Variants in EML1 observed in about 807,000 individuals in gnomAD.
EML1 encodes EMAP like 1, also known as echinoderm microtubule-associated protein-like 1.
In EML1, 27 loss-of-function variants were observed where a neutral mutation model predicts 110.4. That is an observed-to-expected ratio of 0.24 (90% CI 0.18 to 0.34). EML1 has a LOEUF of 0.34. Ranked by LOEUF, EML1 falls within the 10% of genes least tolerant of loss-of-function variation. The pLI is 1.00. For missense variants in EML1, 741 were observed against 1,030.9 expected (o/e 0.72, Z 3.85); for synonymous variants, 344 against 385.8 (o/e 0.89, Z 1.27).
chr14:99,795,953 A>C (rs2057762494), intron 1 of EML1, among the ~76,000 whole-genome samples: 1 of 152,196 alleles, frequency 6.6e-6, no homozygotes, highest in Non-Finnish European at 1.5e-5. Flanking sequence ...TGCGAAGTTG[A>C]GGCGGGAGGA....
intron 3 of EML1, among the ~76,000 whole-genome samples, chr14:99,876,038 G>A (rs1250737724): frequency 6.6e-6 from 1 of 152,160 alleles, no homozygotes; most frequent in Non-Finnish European, 1.5e-5. Flanking sequence ...TACCATGAGG[G>A]TTTTTAAAAA....
At chr14:99,799,735 T>C (rs1362725476) in intron 1 of EML1, among the ~76,000 whole-genome samples, 2 of 152,254 alleles carry the variant, frequency 1.3e-5, no homozygotes, top group African/African-American at 4.8e-5. Flanking sequence ...TGTCCATTTC[T>C]GGGATAGTGT....
At chr14:99,886,376 G>T (rs1046291709) in intron 4 of EML1, among the ~76,000 whole-genome samples, 1 of 152,126 alleles carries the variant, frequency 6.6e-6, no homozygotes, top group East Asian at 1.9e-4. Flanking sequence ...CAGATACTTG[G>T]GAGGCTGAGG....
intron 1 of EML1, among the ~76,000 whole-genome samples, chr14:99,831,608 C>G (rs182956364): frequency 2.0e-5 from 3 of 152,214 alleles, no homozygotes; most frequent in African/African-American, 7.2e-5. Flanking sequence ...TGGAATACAA[C>G]TATTTTCTCT....
intron 12 of EML1, 105 bp from the exon 13 acceptor site, chr14:99,911,317 T>C (rs1286672563): frequency 7.6e-6 from 10 of 1,310,746 alleles, no homozygotes; most frequent in Non-Finnish European, 1.0e-5. Context: ...AATGATGTGC[T>C]CACGGACAAT....
intron 1 of EML1, among the ~76,000 whole-genome samples, chr14:99,820,116 G>A (rs1342619252): frequency 1.3e-5 from 2 of 152,188 alleles, no homozygotes; most frequent in Non-Finnish European, 2.9e-5. Flanking sequence ...TAGGCAACTT[G>A]GCAGCAAGAG....
At chr14:99,800,122 A>C (rs1382990941) in intron 1 of EML1, among the ~76,000 whole-genome samples, 1 of 152,232 alleles carries the variant, frequency 6.6e-6, no homozygotes, top group Non-Finnish European at 1.5e-5. Flanking sequence ...TAAAAGCTGT[A>C]TAATTATTAT....
rs184941869 is a variant in EML1, at chr14:99,902,516, A to G, written c.1008+1477A>G. Among the ~76,000 whole-genome samples the G allele has an allele frequency of 8.5e-5, 13 of 152,344 alleles. No individual in the cohort carries two copies. The East Asian group carries it at 2.3e-3, about 27-fold the overall frequency. Reference sequence around the variant, plus strand: ...TTCTTGAAACATAATTTCTGTCTCCAGTCTCCCATTTTTACTAAAGACAAA... The same window carrying G: ...TTCTTGAAACATAATTTCTGTCTCCGGTCTCCCATTTTTACTAAAGACAAA... On this transcript the variant is annotated intron_variant, in intron 9 of 21. Transcript: ENST00000262233.
chr14:99,843,670 G>A (rs757766207), intron 1 of EML1, among the ~76,000 whole-genome samples: 6 of 152,200 alleles, frequency 3.9e-5, no homozygotes, highest in African/African-American at 7.2e-5. Flanking sequence ...TCCATAGTCC[G>A]TGCTCTTAAA....
chr14:99,759,332 G>C (rs567561600), intron 1 of EML1, among the ~76,000 whole-genome samples: 8 of 152,238 alleles, frequency 5.3e-5, no homozygotes, highest in Non-Finnish European at 1.2e-4. Context: ...GGTGAGTTCT[G>C]CATGGCCCGC....
chr14:99,886,505 C>T (rs2059477460), intron 4 of EML1, among the ~76,000 whole-genome samples: 1 of 152,182 alleles, frequency 6.6e-6, no homozygotes, highest in Non-Finnish European at 1.5e-5. Flanking sequence ...CATGTTATTC[C>T]AAGAGCCAAA....
At chr14:99,757,338 CAA>C (rs565061924) in intron 1 of EML1, among the ~76,000 whole-genome samples, 30 of 96,180 alleles carry the variant, frequency 3.1e-4, no homozygotes, top group Middle Eastern at 6.8e-3. Context: ...GACTCCATTT[CAA>C]AAAAAAAAAA....
chr14:99,844,793 A>G (rs2058682906), intron 1 of EML1, among the ~76,000 whole-genome samples: 2 of 152,296 alleles, frequency 1.3e-5, no homozygotes, highest in South Asian at 4.1e-4. Context: ...ACCTTTTGAG[A>G]TGGGCTTTCT....
At chr14:99,792,507 G>A (rs1271197395), upstream of EML1, among the ~76,000 whole-genome samples, 1 of 152,138 alleles carries the variant, frequency 6.6e-6, no homozygotes, top group Non-Finnish European at 1.5e-5. Flanking sequence ...TGTATGGCCT[G>A]GAAAAGTTAC....
At chr14:99,898,185 A>G in intron 7 of EML1, 48 bp from the exon 8 acceptor site, 1 of 1,497,588 alleles carries the variant, frequency 6.7e-7, no homozygotes, top group Non-Finnish European at 9.0e-7. Context: ...AGGGAAAAGT[A>G]AAACTTACCT....
At chr14:99,866,309 G>C (rs1294058261) in intron 3 of EML1, among the ~76,000 whole-genome samples, 4 of 151,884 alleles carry the variant, frequency 2.6e-5, no homozygotes, top group African/African-American at 9.7e-5. Flanking sequence ...GGTGGCTCAT[G>C]CCTGTAATTC....
intron 3 of EML1, among the ~76,000 whole-genome samples, chr14:99,876,684 G>T (rs181529930): frequency 6.0e-4 from 91 of 152,186 alleles, no homozygotes; most frequent in African/African-American, 2.0e-3. Context: ...CACACCTCCA[G>T]CTCCAAGTGT....
At chr14:99,896,982 G>A (rs2059681353) in intron 6 of EML1, among the ~76,000 whole-genome samples, 163 bp from the exon 7 acceptor site, 1 of 152,046 alleles carries the variant, frequency 6.6e-6, no homozygotes, top group Admixed American at 6.6e-5. Context: ...CCTTTTGGGG[G>A]TCACATGTAT....
chr14:99,790,995 C>T (rs879555814), upstream of EML1, among the ~76,000 whole-genome samples: 5 of 151,976 alleles, frequency 3.3e-5, no homozygotes, highest in Non-Finnish European at 7.4e-5. Context: ...ATAGCTAGGA[C>T]TATAGGTGCA....
Sources: allele counts gnomAD v4.1 joint callset (sites outside exome capture counted in the v4.1 genomes callset), GRCh38; gene constraint gnomAD v4.1.1; transcripts MANE v1.5; gene names NCBI Gene and HGNC (gene_info 2026-07-23, HGNC 2026-07-21).